The following TBC1D30 variants were observed in gnomAD, a reference collection of about 807,000 sequenced individuals.
The protein encoded by TBC1D30 is TBC1 domain family, member 30.
In TBC1D30, 31 loss-of-function variants were observed where a neutral mutation model predicts 63.2. The ratio of observed to expected loss-of-function variants is 0.49; its 90% confidence interval spans 0.37 to 0.66. The LOEUF (loss-of-function observed/expected upper bound fraction) is 0.66. Ranked by LOEUF, TBC1D30 falls within the 30% of genes least tolerant of loss-of-function variation. TBC1D30 has a pLI of 0.00. For missense variants in TBC1D30, 810 were observed against 953.6 expected (o/e 0.85, Z 1.98); for synonymous variants, 307 against 361.5 (o/e 0.85, Z 1.71).
At chr12:64,789,383 C>T (rs182403060) in intron 2 of TBC1D30, among the ~76,000 whole-genome samples, 449 of 152,042 alleles carry the variant, frequency 3.0e-3, no homozygotes, top group African/African-American at 0.01. Flanking sequence ...ACAGTTTCAC[C>T]ATGTTACCCA....
upstream of TBC1D30, chr12:64,824,517 G>A (rs370317924): frequency 1.9e-5 from 4 of 215,946 alleles, no homozygotes; most frequent in Non-Finnish European, 2.7e-5. Context: ...TTCTGGGCAC[G>A]GGGGAGCTGG....
chr12:64,786,013 C>G, exon 2 of TBC1D30: 1 of 1,288,934 alleles, frequency 7.8e-7, no homozygotes, highest in East Asian at 5.6e-5. Flanking sequence ...GATATTGTGA[C>G]TGCCTGCTTG....
Position 64,857,296 on chromosome 12 carries a change from C to T in TBC1D30, c.1039-7372C>T, listed in dbSNP as rs568151926. 4.6e-5 allele frequency among the ~76,000 whole-genome samples: 7 copies of T among 152,238 alleles called. 1 individual carries two copies. The highest frequency in any genetic ancestry group is 3.3e-4 in the Admixed American group (5 of 15,288). On this transcript the variant is annotated intron_variant, in intron 8 of 11. Transcript: ENST00000539867. Reference sequence around the variant, plus strand: ...ATTCAGGGTCCAAGGACTCTTTAGTCGGCAGGTGATGAATCCTGCAAGTGT... The same window carrying T: ...ATTCAGGGTCCAAGGACTCTTTAGTTGGCAGGTGATGAATCCTGCAAGTGT...
At chr12:64,867,680 A>G (rs1878338624) in intron 10 of TBC1D30, among the ~76,000 whole-genome samples, 1 of 152,146 alleles carries the variant, frequency 6.6e-6, no homozygotes, top group Non-Finnish European at 1.5e-5. Flanking sequence ...TCTGAGTTTA[A>G]TTTATTCCAG....
At chr12:64,834,707 C>CTTTTTTTTTT (rs11374555) in intron 5 of TBC1D30, among the ~76,000 whole-genome samples, 5 of 76,342 alleles carry the variant, frequency 6.5e-5, no homozygotes, top group African/African-American at 1.0e-4. Flanking sequence ...CCGTGCCGGG[C>CTTTTTTTTTT]TTTTTTTTTT....
chr12:64,801,039 G>A (rs866916781), intron 2 of TBC1D30, among the ~76,000 whole-genome samples: 13 of 152,182 alleles, frequency 8.5e-5, no homozygotes, highest in South Asian at 6.2e-4. Context: ...GTCCCTCTCC[G>A]TTTGTTAGAA....
intron 2 of TBC1D30, among the ~76,000 whole-genome samples, chr12:64,807,492 C>T (rs919701830): frequency 6.6e-6 from 1 of 152,126 alleles, no homozygotes; most frequent in Admixed American, 6.5e-5. Context: ...TAGTGCCTAA[C>T]ACTACTGAAG....
In TBC1D30 at chr12:64,876,952, T is replaced by C; in HGVS notation, c.*1164T>C. The C allele has an allele frequency of 1.1e-5, 5 of 455,624 alleles. No homozygotes were observed. The highest frequency in any genetic ancestry group is 8.8e-6 in the Non-Finnish European group (2 of 226,486). 28.2% of individuals were successfully genotyped at this position (455,624 alleles called of 1,614,324 possible). ...TTACTCAAGGTCAGTACTCTCGGTA[T>C]TCCAAGTGACTTAGCCACATTTCCT... On this transcript the variant is annotated 3_prime_UTR_variant, in exon 12 of 12. Coordinates refer to ENST00000539867, the MANE Select transcript of TBC1D30 (RefSeq NM_015279.2).
rs1309940120 is a variant in TBC1D30 at position 64,843,392 on chromosome 12, T to C, written c.945T>C (p.Cys315=). The change falls in exon 8 of 12, where the codon TGT becomes TGC. Residue 315 remains cysteine, a synonymous_variant. Coordinates refer to ENST00000539867, the MANE Select transcript of TBC1D30 (RefSeq NM_015279.2). The part of the protein sequence containing the change: ...IWAKLGEQIE[C]CETADEFYST... ...TTTCTTTATCTAGGCAGATAGAATG[T>C]TGTGAAACAGCAGATGAATTCTACA... The C allele has an allele frequency of 6.5e-7, 1 of 1,536,288 alleles. No homozygotes were observed. Among genetic ancestry groups the C allele is most frequent in the African/African-American group, 1.4e-5 (1 of 73,068 alleles).
Position 64,828,512 on chromosome 12 carries a change from A to C in TBC1D30, c.282+3A>C, listed in dbSNP as rs1482976316. On this transcript the variant is annotated splice_donor_region_variant and intron_variant, in intron 3 of 11. Coordinates refer to ENST00000539867, the MANE Select transcript of TBC1D30 (RefSeq NM_015279.2). ...TACCAAAGGAATGGAGGAGAAAGGT[A>C]AGGAGGACTCATAGGGCTAGAATAC... 6.5e-7 allele frequency: 1 copy of C among 1,533,022 alleles called. No individual in the cohort carries two copies. Among genetic ancestry groups the C allele is most frequent in the Admixed American group, 2.0e-5 (1 of 50,994 alleles). The allele number at this position is 1,533,022 out of a possible 1,614,324, so 95.0% of individuals were successfully genotyped here. A position where few individuals can be genotyped will look rare whatever the true frequency, so the allele number is the denominator to read the frequency against.
At chr12:64,775,100 A>AT (rs1295401609) in intron 1 of TBC1D30, among the ~76,000 whole-genome samples, 18 of 145,258 alleles carry the variant, frequency 1.2e-4, no homozygotes, top group African/African-American at 2.6e-4. Flanking sequence ...CTCAAAAAAA[A>AT]AAAAATATAT....
chr12:64,796,238 C>A (rs965008563), intron 2 of TBC1D30, among the ~76,000 whole-genome samples: 1 of 151,302 alleles, frequency 6.6e-6, no homozygotes, highest in Non-Finnish European at 1.5e-5. Context: ...ATCTTAGTCA[C>A]GGTAATTGGG....
chr12:64,759,534 G>A, exon 1 of TBC1D30: 1 of 481,336 alleles, frequency 2.1e-6, no homozygotes, highest in East Asian at 3.3e-5. Context: ...AGGCAGTGGC[G>A]GAAAAGGGGC....
At chr12:64,789,319 G>C (rs1871791102) in intron 2 of TBC1D30, among the ~76,000 whole-genome samples, 1 of 151,624 alleles carries the variant, frequency 6.6e-6, no homozygotes. Context: ...CGAGTAGCTG[G>C]AACTTAGGTG....
Position 64,878,738 on chromosome 12 carries a change from A to C in TBC1D30, c.*2950A>C, listed in dbSNP as rs1251668580. The C allele has an allele frequency of 2.9e-6, 1 of 348,820 alleles. No homozygotes were observed. The highest frequency in any genetic ancestry group is 5.6e-6 in the Non-Finnish European group (1 of 177,244). 21.6% of individuals were successfully genotyped at this position (348,820 alleles called of 1,614,324 possible). On this transcript the variant is annotated 3_prime_UTR_variant, in exon 12 of 12. Transcript: ENST00000539867. ...CCAACCCCAGACCCCCCTTGGTCAC[A>C]TGAACCAGGGAAACAGCCCAATAAG...
upstream of TBC1D30, among the ~76,000 whole-genome samples, chr12:64,823,508 C>T (rs1874019853): frequency 6.6e-6 from 1 of 152,108 alleles, no homozygotes; most frequent in South Asian, 2.1e-4. Context: ...GTTGCTCAGG[C>T]TAGAATGCAG....
chr12:64,875,160 C>T lies in TBC1D30; in HGVS notation c.1658C>T (p.Pro553Leu). Residue 553 changes from proline to leucine, a missense_variant, in exon 12 of 12, where the codon CCC (proline) becomes CTC (leucine). Physicochemically the swap from Pro to Leu is moderately conservative, Grantham distance 98 (BLOSUM62 -3). Coordinates refer to ENST00000539867, the MANE Select transcript of TBC1D30 (RefSeq NM_015279.2). The stretch of plus-strand genomic sequence containing the variant: ...ACAGGAGGGAAAATATCTCCTGTCC[C>T]CTACGAAGACCTTAAGACGAAGCTC... The part of the protein sequence containing the change: ...GHTGGKISPV[P>L]YEDLKTKLNS... 2 of 1,536,346 alleles carry T rather than the reference C, an allele frequency of 1.3e-6. No individual in the cohort carries two copies. Among genetic ancestry groups the T allele is most frequent in the Non-Finnish European group, 1.7e-6 (2 of 1,146,932 alleles).
chr12:64,858,845 T>A (rs567930331), intron 8 of TBC1D30, among the ~76,000 whole-genome samples: 239 of 152,004 alleles, frequency 1.6e-3, no homozygotes, highest in Middle Eastern at 3.4e-3. Flanking sequence ...GAGCACAGTG[T>A]GGGGAGTGCG....
At chr12:64,809,497 A>G (rs931917626) in intron 2 of TBC1D30, among the ~76,000 whole-genome samples, 4 of 152,216 alleles carry the variant, frequency 2.6e-5, no homozygotes, top group African/African-American at 9.6e-5. Context: ...TTGTTGGTTG[A>G]TGGGCATTTA....
Sources: allele counts gnomAD v4.1 joint callset (sites outside exome capture counted in the v4.1 genomes callset), GRCh38; gene constraint gnomAD v4.1.1; transcripts MANE v1.5; gene names NCBI Gene and HGNC (gene_info 2026-07-23, HGNC 2026-07-21).